The following ENAM variants were observed in gnomAD, a reference collection of about 807,000 sequenced individuals.
ENAM encodes enamelin.
ENAM carries 21 observed loss-of-function variants against 33.6 expected under a neutral mutation model. The ratio of observed to expected loss-of-function variants is 0.63; its 90% CI spans 0.44 to 0.90. The LOEUF (loss-of-function observed/expected upper bound fraction) is 0.90. Ranked by LOEUF, ENAM falls within the 40% of genes least tolerant of loss-of-function variation. The probability of loss-of-function intolerance (pLI) is 0.00; values close to 1 mark genes in which losing one functional copy is unlikely to be tolerated. For synonymous variants in ENAM, 473 were observed against 468.4 expected, an observed-to-expected ratio of 1.01 and a Z score of -0.13; for missense variants, 1,388 against 1,366.9, an observed-to-expected ratio of 1.02 and a Z score of -0.24.
At position 70,637,840 on chromosome 4, in the gene ENAM, G is replaced by T. The variant is rs778378990; in HGVS notation, c.585G>T (p.Gly195=). 20 of 1,610,498 alleles carry T rather than the reference G, an allele frequency of 1.2e-5. No individual in the cohort carries two copies. The highest frequency in any genetic ancestry group is 1.2e-4 in the South Asian group (11 of 91,038). ...YGRPPISNEE[G]GNPYFGYFGY... ...GCCCACCAATCAGCAATGAAGAAGG[G>T]GGGGTAAGTACAAGTAAAACTACAT... Residue 195 remains glycine (G), a synonymous_variant, in exon 8 of 9, where the codon GGG becomes GGT. Coordinates refer to ENST00000396073, the MANE Select transcript of ENAM (RefSeq NM_031889.3).
intron 6 of ENAM, among the ~76,000 whole-genome samples, chr4:70,635,340 GC>G (rs1247539348): frequency 3.9e-4 from 59 of 152,286 alleles, no homozygotes; most frequent in Non-Finnish European, 7.9e-4. Flanking sequence ...TCACGCCACT[GC>G]ACTCCAGCCT....
intron 5 of ENAM, 38 bp from the exon 6 acceptor site, chr4:70,634,270 C>A: frequency 3.1e-6 from 5 of 1,605,628 alleles, no homozygotes; most frequent in Non-Finnish European, 4.3e-6. Flanking sequence ...TGAATCACAG[C>A]TCTATTATGA....
At chr4:70,633,274 G>A (rs1738370986) in intron 5 of ENAM, among the ~76,000 whole-genome samples, 1 of 151,924 alleles carries the variant, frequency 6.6e-6, no homozygotes, top group African/African-American at 2.4e-5. Context: ...CCATTTTGAG[G>A]GGAAAATCAA....
At chr4:70,632,501 T>C in intron 4 of ENAM, 150 bp from the exon 5 acceptor site, 1 of 745,560 alleles carries the variant, frequency 1.3e-6, no homozygotes, top group South Asian at 1.5e-5. Context: ...TAGGAAAAGG[T>C]GATATGACTG....
At position 70,642,789 on chromosome 4, in the gene ENAM, A is replaced by G. The variant is rs1560404370; in HGVS notation, c.1363A>G (p.Thr455Ala). ...EQIIVPTKNP[T>A]SPWRNSQQYE... is the part of the protein sequence containing the mutation. Reference sequence around the variant, plus strand: ...AATAATAGTTCCTACAAAGAATCCAACCAGCCCCTGGAGAAACTCTCAACA... The same window carrying G: ...AATAATAGTTCCTACAAAGAATCCAGCCAGCCCCTGGAGAAACTCTCAACA... The change falls in exon 9 of 9, where the codon ACC (threonine) becomes GCC (alanine). Residue 455 changes from threonine to alanine, a missense_variant. Physicochemically the swap from Thr to Ala is moderately conservative, Grantham distance 58. Transcript: ENST00000396073. 7 of 1,613,926 alleles carry G rather than the reference A, an allele frequency of 4.3e-6. No homozygotes were observed. The highest frequency in any genetic ancestry group is 5.1e-6 in the Non-Finnish European group (6 of 1,179,974).
intron 6 of ENAM, 53 bp downstream of exon 6, chr4:70,634,621 G>T (rs1560401054): frequency 6.4e-7 from 1 of 1,559,536 alleles, no homozygotes; most frequent in South Asian, 1.1e-5. Flanking sequence ...GGAGAGATTT[G>T]GAGGGCCATG....
intron 8 of ENAM, among the ~76,000 whole-genome samples, chr4:70,641,412 A>G (rs892054943): frequency 1.5e-5 from 2 of 137,890 alleles, no homozygotes; most frequent in African/African-American, 5.5e-5. Context: ...TTTTTTTGAG[A>G]TGGAGTCTCG....
intron 8 of ENAM, among the ~76,000 whole-genome samples, chr4:70,639,155 T>C (rs1258871286): frequency 1.3e-5 from 2 of 152,182 alleles, no homozygotes; most frequent in Non-Finnish European, 2.9e-5. Flanking sequence ...TAAGGCGCTC[T>C]CAAATATATC....
rs1341696500 is a variant in ENAM, at chr4:70,644,123, A to C, written c.2697A>C (p.Ala899=). 2 of 1,614,144 alleles carry C rather than the reference A, an allele frequency of 1.2e-6. No individual in the cohort carries two copies. The highest frequency in any genetic ancestry group is 8.5e-7 in the Non-Finnish European group (1 of 1,180,014). ...ACTACACTCCATCCTATGGTCTTGCACCTGGGGAGAACCAAGACACCAGTC... is the reference window on the plus strand; with the variant it reads ...ACTACACTCCATCCTATGGTCTTGCCCCTGGGGAGAACCAAGACACCAGTC... ...LQDYTPSYGL[A]PGENQDTSPL... is the part of the protein sequence containing the mutation. The change falls in exon 9 of 9, where the codon GCA becomes GCC. Residue 899 remains alanine (A), a synonymous_variant. Transcript: ENST00000396073.
Position 70,629,480 on chromosome 4 carries a change from A to G in ENAM, c.-21A>G, listed in dbSNP as rs777122356. On this transcript the variant is annotated 5_prime_UTR_variant, in exon 2 of 9. Coordinates refer to ENST00000396073, the MANE Select transcript of ENAM (RefSeq NM_031889.3). The stretch of plus-strand genomic sequence containing the variant: ...AAAGCTGTATTTTTCTTAAAGGCTT[A>G]TAAAAATTTTGCTGAAAAAAATGTT... 6.2e-7 allele frequency: 1 copy of G among 1,603,570 alleles called. No individual in the cohort carries two copies. Among genetic ancestry groups the G allele is most frequent in the Admixed American group, 1.7e-5 (1 of 59,992 alleles).
Position 70,644,899 on chromosome 4 carries a change from C to T in ENAM, c.*44C>T. 6.5e-7 allele frequency: 1 copy of T among 1,541,714 alleles called. No individual in the cohort carries two copies. ...TTCTTGGGGAAAGAGAAATCACTGA[C>T]ATTCTATACCAATGGTTCCCAAAAT... On this transcript the variant is annotated 3_prime_UTR_variant, in exon 9 of 9. Transcript: ENST00000396073.
In ENAM at chr4:70,631,727, G is replaced by T. The variant is rs140771093; in HGVS notation, c.112G>T (p.Val38Phe). The T allele has an allele frequency of 1.7e-5, 27 of 1,613,402 alleles. No homozygotes were observed. In the Admixed American group the frequency reaches 2.3e-4, roughly 14 times the overall value. ...LVFLGLLGNS[V>F]AMPMHMPRMP... ...CTTTCTAGGGCTTCTTGGTAATTCTGTTGCTATGCCAGTGAGTATTTTTTA... is the reference window on the plus strand; with the variant it reads ...CTTTCTAGGGCTTCTTGGTAATTCTTTTGCTATGCCAGTGAGTATTTTTTA... Residue 38 changes from valine (V) to phenylalanine (F), a missense_variant, in exon 3 of 9, where the codon GTT becomes TTT. Coordinates refer to ENST00000396073, the MANE Select transcript of ENAM (RefSeq NM_031889.3).
rs1485063547 is a variant in ENAM at position 70,645,554 on chromosome 4, C to T, written c.*699C>T. 1 of 152,152 alleles carries T rather than the reference C, an allele frequency of 6.6e-6. No individual in the cohort carries two copies. Among genetic ancestry groups the T allele is most frequent in the Non-Finnish European group, 1.5e-5 (1 of 68,082 alleles). 9.4% of individuals were successfully genotyped at this position (152,152 alleles called of 1,614,324 possible). ...CCATTATGTCTTCGTCTCTTCCAAC[C>T]TATCTGTTCTGTCTCCCAATGTACC... On this transcript the variant is annotated 3_prime_UTR_variant, in exon 9 of 9. Coordinates refer to ENST00000396073, the MANE Select transcript of ENAM (RefSeq NM_031889.3).
At chr4:70,630,805 G>A (rs189009156) in intron 2 of ENAM, among the ~76,000 whole-genome samples, 3 of 151,052 alleles carry the variant, frequency 2.0e-5, no homozygotes, top group Non-Finnish European at 2.9e-5. Context: ...GCAATGGCAC[G>A]ATCTTGGCTC....
At position 70,643,921 on chromosome 4, in the gene ENAM, G is replaced by C. The variant is rs370902392; in HGVS notation, c.2495G>C (p.Gly832Ala). 3.7e-6 allele frequency: 6 copies of C among 1,613,944 alleles called. No homozygotes were observed. Among genetic ancestry groups the C allele is most frequent in the Non-Finnish European group, 5.1e-6 (6 of 1,179,968 alleles). The change falls in exon 9 of 9, where the codon GGC (glycine) becomes GCC (alanine). Residue 832 changes from glycine (G) to alanine (A), a missense_variant. Physicochemically the swap from Gly to Ala is moderately conservative, Grantham distance 60. Coordinates refer to ENST00000396073, the MANE Select transcript of ENAM (RefSeq NM_031889.3). ...IWHEGENLNYGMQITRMNSPE... is the reference protein window; with the variant it reads ...IWHEGENLNYAMQITRMNSPE... Reference sequence around the variant, plus strand: ...CATGAAGGTGAGAATTTGAACTATGGCATGCAAATAACTAGGATGAATTCT... The same window carrying C: ...CATGAAGGTGAGAATTTGAACTATGCCATGCAAATAACTAGGATGAATTCT...
rs1738613467 is a variant in ENAM at position 70,642,134 on chromosome 4, A to C, written c.708A>C (p.Glu236Asp). 1 of 1,614,072 alleles carries C rather than the reference A, an allele frequency of 6.2e-7. No homozygotes were observed. Among genetic ancestry groups the C allele is most frequent in the Non-Finnish European group, 8.5e-7 (1 of 1,180,020 alleles). Residue 236 changes from glutamate (E) to aspartate (D), a missense_variant, in exon 9 of 9, where the codon GAA becomes GAC. Glu to Asp is a conservative substitution (Grantham distance 45). Transcript: ENST00000396073. ...AAGAAGAAGATCCTCCTAAAGCAGA[A>C]AGTCCAGGCACAGAACCCACAGCTA... ...KPKEEDPPKA[E>D]SPGTEPTANS...
At chr4:70,637,714 C>A in intron 7 of ENAM, 76 bp from the exon 8 acceptor site, 1 of 1,089,014 alleles carries the variant, frequency 9.2e-7, no homozygotes, top group Non-Finnish European at 1.4e-6. Context: ...TATTTTTAGA[C>A]ACCCTGAGTC....
In ENAM at chr4:70,643,428, C is replaced by A. The variant is rs1475133432; in HGVS notation, c.2002C>A (p.Gln668Lys). Residue 668 changes from glutamine (Q) to lysine (K), a missense_variant, in exon 9 of 9, where the codon CAA becomes AAA. Gln to Lys is a moderately conservative substitution (Grantham distance 53). Coordinates refer to ENST00000396073, the MANE Select transcript of ENAM (RefSeq NM_031889.3). The part of the protein sequence containing the change: ...DPTGDEVFPG[Q>K]NRWGEELSFK... The stretch of plus-strand genomic sequence containing the variant: ...AACTGGAGATGAAGTCTTTCCTGGA[C>A]AAAATAGATGGGGTGAAGAGTTGAG... The A allele has an allele frequency of 6.2e-7, 1 of 1,613,880 alleles. No individual in the cohort carries two copies. The highest frequency in any genetic ancestry group is 1.3e-5 in the African/African-American group (1 of 74,884).
rs529252636 is a variant in ENAM at position 70,632,646 on chromosome 4, T to G, written c.169-5T>G. 1 of 1,592,560 alleles carries G rather than the reference T, an allele frequency of 6.3e-7. No individual in the cohort carries two copies. Among genetic ancestry groups the G allele is most frequent in the Non-Finnish European group, 8.6e-7 (1 of 1,160,628 alleles). ...TATCACATTAATGGATTCCTTTGGT[T>G]GCAGATGATGCGGTATAATCAATTC... On this transcript the variant is annotated splice_polypyrimidine_tract_variant and splice_region_variant and intron_variant, in intron 4 of 8. Transcript: ENST00000396073.
Sources: allele counts gnomAD v4.1 joint callset (sites outside exome capture counted in the v4.1 genomes callset), GRCh38; gene constraint gnomAD v4.1.1; transcripts MANE v1.5; gene names NCBI Gene and HGNC (gene_info 2026-07-23, HGNC 2026-07-21).